Variants in NUP88 observed in about 807,000 individuals in gnomAD.
NUP88 encodes nuclear pore complex protein Nup88.
Under a neutral mutation model 93.9 loss-of-function variants are expected in NUP88, and 57 were observed. That is an observed-to-expected ratio of 0.61 (90% CI 0.49 to 0.76). The LOEUF (loss-of-function observed/expected upper bound fraction) is 0.76, where lower values mean the gene tolerates loss of function less well. Among genes scored for constraint, NUP88 ranks in the 30% least tolerant of loss-of-function variants. The pLI is 0.00. For missense variants in NUP88, 911 were observed against 901.0 expected (o/e 1.01, Z -0.14); for synonymous variants, 346 against 336.8 (o/e 1.03, Z -0.30).
intron 4 of NUP88, among the ~76,000 whole-genome samples, chr17:5,409,171 C>T (rs967790982): frequency 4.6e-5 from 7 of 152,078 alleles, no homozygotes; most frequent in Middle Eastern, 3.4e-3. Context: ...GTCAGGAGTT[C>T]GAGACCAGCC....
chr17:5,415,749 C>A (rs1404808722), intron 2 of NUP88, among the ~76,000 whole-genome samples: 4 of 152,174 alleles, frequency 2.6e-5, no homozygotes, highest in Non-Finnish European at 5.9e-5. Flanking sequence ...TCAACTTACA[C>A]TGGGTTTATC....
At position 5,394,938 on chromosome 17, in the gene NUP88, C is replaced by G; in HGVS notation, c.1335G>C (p.Gln445His). The G allele has an allele frequency of 6.2e-7, 1 of 1,613,816 alleles. No individual in the cohort carries two copies. Among genetic ancestry groups the G allele is most frequent in the Non-Finnish European group, 8.5e-7 (1 of 1,179,666 alleles). ...KDSLQELSTEQKCFVEHILCT... is the reference protein window; with the variant it reads ...KDSLQELSTEHKCFVEHILCT... ...AAAGGATGTGTTCAACAAAGCATTT[C>G]TGTTCTGTAGAGAGTTCCTGTAAAC... Residue 445 changes from glutamine (Q) to histidine (H), a missense_variant, in exon 9 of 17, where the codon CAG becomes CAC. Gln to His is a conservative substitution (Grantham distance 24). Coordinates refer to ENST00000573584, the MANE Select transcript of NUP88 (RefSeq NM_002532.6).
chr17:5,387,724 T>TA (rs1555527874), intron 12 of NUP88, 54 bp from the exon 13 acceptor site: 2 of 1,607,388 alleles, frequency 1.2e-6, no homozygotes, highest in Non-Finnish European at 1.7e-6. Flanking sequence ...TAGGCTACCA[T>TA]ACAGCATCAG....
intron 10 of NUP88, among the ~76,000 whole-genome samples, chr17:5,391,231 C>T (rs1166872666): frequency 6.6e-6 from 1 of 152,186 alleles, no homozygotes; most frequent in East Asian, 1.9e-4. Context: ...ACGTGGCTTA[C>T]TTCTGAGCTT....
chr17:5,406,368 G>A (rs909498077), intron 5 of NUP88, among the ~76,000 whole-genome samples: 20 of 152,318 alleles, frequency 1.3e-4, no homozygotes, highest in African/African-American at 4.8e-4. Flanking sequence ...AAAGTACAAG[G>A]TGGAAGGCAA....
chr17:5,416,708 C>A, intron 1 of NUP88, 26 bp from the exon 2 acceptor site: 4 of 1,576,424 alleles, frequency 2.5e-6, no homozygotes, highest in Non-Finnish European at 2.6e-6. Context: ...AACCAGTCAA[C>A]ATAGTTAATT....
At chr17:5,404,061 T>A (rs1478295361) in intron 7 of NUP88, 38 bp downstream of exon 7, 1 of 1,596,436 alleles carries the variant, frequency 6.3e-7, no homozygotes, top group South Asian at 1.1e-5. Context: ...AGTATAAAAA[T>A]CATGGGAAAA....
chr17:5,405,223 A>G lies in NUP88; in HGVS notation c.878T>C (p.Leu293Pro), dbSNP rs2151642851. Reference protein sequence around the residue: ...LLHSPGNIGKLLGPLPMHPAA... With the variant: ...LLHSPGNIGKPLGPLPMHPAA... ...AGGATGCATGGGCAATGGACCCAACAGCTTTCCAATATTTCCAGGGCTAAA... is the reference window on the plus strand; with the variant it reads ...AGGATGCATGGGCAATGGACCCAACGGCTTTCCAATATTTCCAGGGCTAAA... Residue 293 changes from leucine to proline, a missense_variant, in exon 6 of 17, where the codon CTG (leucine) becomes CCG (proline). Transcript: ENST00000573584. 1 of 1,613,666 alleles carries G rather than the reference A, an allele frequency of 6.2e-7. No homozygotes were observed. Among genetic ancestry groups the G allele is most frequent in the Non-Finnish European group, 8.5e-7 (1 of 1,179,824 alleles).
chr17:5,413,977 G>C (rs768818218), intron 3 of NUP88, 32 bp downstream of exon 3: 1 of 1,606,356 alleles, frequency 6.2e-7, no homozygotes, highest in Non-Finnish European at 8.5e-7. Context: ...TTTCCCACTC[G>C]CAAGGCTTCA....
intron 5 of NUP88, among the ~76,000 whole-genome samples, chr17:5,407,068 C>T (rs1164479251): frequency 6.6e-6 from 1 of 152,108 alleles, no homozygotes; most frequent in African/African-American, 2.4e-5. Context: ...CTAAAGTTAC[C>T]ACAAAATCCT....
chr17:5,414,005 T>C lies in NUP88; in HGVS notation c.593+4A>G. 1 of 1,613,274 alleles carries C rather than the reference T, an allele frequency of 6.2e-7. No homozygotes were observed. The highest frequency in any genetic ancestry group is 8.5e-7 in the Non-Finnish European group (1 of 1,179,476). Reference sequence around the variant, plus strand: ...AGGCTTCAAGAGAGAGAAATAAAATTTACCTGATTACGTTGTCTGATGTTA... The same window carrying C: ...AGGCTTCAAGAGAGAGAAATAAAATCTACCTGATTACGTTGTCTGATGTTA... On this transcript the variant is annotated splice_donor_region_variant and intron_variant, in intron 3 of 16. Transcript: ENST00000573584.
chr17:5,387,035 T>C lies in NUP88; in HGVS notation c.1992A>G (p.Glu664=). Residue 664 remains glutamate (E), a synonymous_variant, in exon 15 of 17, where the codon GAA becomes GAG. Transcript: ENST00000573584. ...GAAGTTGATCAGGTATCAGCTGTAA[T>C]TCTTTCTTCATGTCTCGCTCACTAT... The part of the protein sequence containing the change: ...LSDSERDMKK[E]LQLIPDQLRH... The C allele has an allele frequency of 6.2e-7, 1 of 1,614,168 alleles. No individual in the cohort carries two copies. The highest frequency in any genetic ancestry group is 2.2e-5 in the East Asian group (1 of 44,882).
At chr17:5,413,510 G>C (rs1913961763) in intron 3 of NUP88, among the ~76,000 whole-genome samples, 1 of 152,162 alleles carries the variant, frequency 6.6e-6, no homozygotes, top group Non-Finnish European at 1.5e-5. Context: ...TAATAGAGTA[G>C]AAATCTACGT....
intron 1 of NUP88, among the ~76,000 whole-genome samples, chr17:5,419,029 T>G (rs2151652287): frequency 6.6e-6 from 1 of 152,312 alleles, no homozygotes; most frequent in Admixed American, 6.5e-5. Flanking sequence ...AAGCGTCACA[T>G]CAGGAAACAG....
chr17:5,390,040 C>G (rs1009233835), intron 10 of NUP88, among the ~76,000 whole-genome samples: 8 of 151,662 alleles, frequency 5.3e-5, no homozygotes, highest in Admixed American at 4.0e-4. Context: ...TGGTGTGCGC[C>G]TGTAATCCCA....
At chr17:5,419,328 C>T (rs775772266) in intron 1 of NUP88, 26 bp downstream of exon 1, 1 of 1,530,462 alleles carries the variant, frequency 6.5e-7, no homozygotes, top group Admixed American at 2.2e-5. Context: ...CGGTGAGGGT[C>T]ACTTCCAAGA....
intron 8 of NUP88, among the ~76,000 whole-genome samples, chr17:5,397,675 G>A (rs1191101216): frequency 1.3e-5 from 2 of 152,224 alleles, no homozygotes; most frequent in Non-Finnish European, 2.9e-5. Context: ...CACTAAGTCT[G>A]TGATGATTTA....
At chr17:5,415,658 C>T (rs77075673) in intron 2 of NUP88, among the ~76,000 whole-genome samples, 2 of 152,186 alleles carry the variant, frequency 1.3e-5, no homozygotes, top group East Asian at 3.9e-4. Context: ...ATGGGGTTAC[C>T]CATCATAATG....
intron 8 of NUP88, 54 bp from the exon 9 acceptor site, chr17:5,395,035 T>A: frequency 9.3e-7 from 1 of 1,071,212 alleles, no homozygotes; most frequent in Non-Finnish European, 1.5e-6. Context: ...GTCTCCAAAT[T>A]AAAATGCTAA....
Sources: allele counts gnomAD v4.1 joint callset (sites outside exome capture counted in the v4.1 genomes callset), GRCh38; gene constraint gnomAD v4.1.1; transcripts MANE v1.5; gene names NCBI Gene and HGNC (gene_info 2026-07-23, HGNC 2026-07-21).